The following SNX29 variants were observed in gnomAD, a reference collection of about 807,000 sequenced individuals.
SNX29 encodes the protein sorting nexin-29.
A neutral mutation model predicts 102.1 loss-of-function variants in SNX29; 78 were observed. The observed-to-expected ratio is 0.76, with a 90% CI of 0.64 to 0.92. The LOEUF is 0.92. Among genes scored for constraint, SNX29 ranks in the 40% least tolerant of loss-of-function variants. The pLI, the probability that SNX29 is intolerant of heterozygous loss-of-function variation, is 0.00. For synonymous variants in SNX29, 580 were observed against 414.5 expected (o/e 1.40, Z -4.85); for missense variants, 1,280 against 1,061.7 (o/e 1.21, Z -2.86).
At chr16:12,324,284 C>T (rs992638756) in intron 15 of SNX29, among the ~76,000 whole-genome samples, 2 of 151,666 alleles carry the variant, frequency 1.3e-5, no homozygotes, top group African/African-American at 4.8e-5. Flanking sequence ...ACTTGGATGC[C>T]AGCAAGTTCC....
chr16:12,477,492 C>T (rs1036960959), intron 18 of SNX29, among the ~76,000 whole-genome samples: 4 of 152,204 alleles, frequency 2.6e-5, no homozygotes, highest in African/African-American at 2.4e-5. Context: ...AAATAGCATA[C>T]AGTATGTTCT....
intron 11 of SNX29, among the ~76,000 whole-genome samples, chr16:12,084,179 CT>C (rs2052047993): frequency 6.7e-6 from 1 of 149,936 alleles, no homozygotes; most frequent in South Asian, 2.1e-4. Flanking sequence ...GAGTGTTGCT[CT>C]TATCGCCCAG....
Position 12,308,776 on chromosome 16 carries a change from A to G in SNX29, c.1782+30740A>G, listed in dbSNP as rs145390564. ...GTTTCTCAGCTGGAGAGTCTTGACA[A>G]CATGTAAGGATTTATTTATCTAATG... On this transcript the variant is annotated intron_variant, in intron 15 of 20. Transcript: ENST00000566228. 4.1e-3 allele frequency among the ~76,000 whole-genome samples: 625 copies of G among 152,298 alleles called. 5 individuals are homozygous for G. The highest frequency in any genetic ancestry group is 0.014 in the African/African-American group (591 of 41,576).
intron 11 of SNX29, among the ~76,000 whole-genome samples, chr16:12,101,415 G>A (rs1276901777): frequency 1.4e-5 from 2 of 147,110 alleles, no homozygotes; most frequent in Non-Finnish European, 3.0e-5. Context: ...ACAGAGACTC[G>A]CTCTGTTGCC....
intron 18 of SNX29, among the ~76,000 whole-genome samples, chr16:12,422,437 A>G (rs538576079): frequency 1.6e-4 from 25 of 152,328 alleles, no homozygotes; most frequent in African/African-American, 5.0e-4. Context: ...ACTTGGTAAC[A>G]TAACTGTTAC....
At chr16:12,564,580 G>C (rs531854477) in intron 20 of SNX29, among the ~76,000 whole-genome samples, 1 of 152,088 alleles carries the variant, frequency 6.6e-6, no homozygotes, top group Non-Finnish European at 1.5e-5. Context: ...CCATCCAGAC[G>C]CCCCTTTTTC....
At chr16:12,413,609 C>A (rs1462319196) in intron 18 of SNX29, among the ~76,000 whole-genome samples, 1 of 152,006 alleles carries the variant, frequency 6.6e-6, no homozygotes, top group African/African-American at 2.4e-5. Flanking sequence ...TCGGAAGCAA[C>A]GAAGTGACGT....
intron 20 of SNX29, among the ~76,000 whole-genome samples, chr16:12,567,493 A>G (rs981819393): frequency 6.6e-6 from 1 of 152,182 alleles, no homozygotes; most frequent in African/African-American, 2.4e-5. Flanking sequence ...TACAGATGTG[A>G]TTAAGGATTG....
intron 18 of SNX29, among the ~76,000 whole-genome samples, chr16:12,414,791 G>A (rs922724076): frequency 6.6e-6 from 1 of 152,128 alleles, no homozygotes; most frequent in African/African-American, 2.4e-5. Context: ...GCACACTCTT[G>A]GCTTATAGCA....
chr16:12,250,853 C>T (rs542934730), intron 14 of SNX29, among the ~76,000 whole-genome samples: 1 of 152,346 alleles, frequency 6.6e-6, no homozygotes, highest in South Asian at 2.1e-4. Flanking sequence ...GGCTTCGTCT[C>T]TTCCCAGAGA....
chr16:12,232,783 G>A (rs193173414), intron 14 of SNX29, among the ~76,000 whole-genome samples: 214 of 152,280 alleles, frequency 1.4e-3, no homozygotes, highest in African/African-American at 5.0e-3. Flanking sequence ...TGAGAGGGCT[G>A]GAAAGGAGAT....
chr16:12,538,023 C>G lies in SNX29; in HGVS notation c.2318+13182C>G, dbSNP rs1483168109. Among the ~76,000 whole-genome samples, 4 of 151,602 alleles carry G rather than the reference C, an allele frequency of 2.6e-5. No homozygotes were observed. The South Asian group carries it at 8.3e-4, about 32-fold the overall frequency. On this transcript the variant is annotated intron_variant, in intron 20 of 20. Coordinates refer to ENST00000566228, the MANE Select transcript of SNX29 (RefSeq NM_032167.5). ...AAAAAATTGTCTGCCATTTATAGAC[C>G]AAAATCGTCCTGTCCTGCTAAAGTA...
At chr16:12,393,388 TCATTCATGCATGCATGCATG>T (rs1254333176) in intron 16 of SNX29, among the ~76,000 whole-genome samples, 1 of 118,564 alleles carries the variant, frequency 8.4e-6, no homozygotes, top group Non-Finnish European at 2.0e-5. Flanking sequence ...TATGATTCAT[TCATTCATGCATGCATGCATG>T]CATGCATTCA....
chr16:12,568,131 C>T (rs959750560), intron 20 of SNX29, among the ~76,000 whole-genome samples: 3 of 152,080 alleles, frequency 2.0e-5, no homozygotes, highest in African/African-American at 7.2e-5. Flanking sequence ...GTAGTGTTCT[C>T]CAAAGTTGCC....
chr16:12,511,937 C>T (rs890357290), intron 19 of SNX29, among the ~76,000 whole-genome samples: 6 of 151,900 alleles, frequency 3.9e-5, no homozygotes, highest in South Asian at 2.1e-4. Context: ...GTGGTCGGGC[C>T]GCATAGAAGC....
intron 14 of SNX29, among the ~76,000 whole-genome samples, chr16:12,204,552 A>AT (rs1276983743): frequency 6.6e-6 from 1 of 152,186 alleles, no homozygotes; most frequent in Non-Finnish European, 1.5e-5. Flanking sequence ...CGGCATCCCC[A>AT]TTTAATTAAT....
chr16:12,441,797 G>C (rs1337684748), intron 18 of SNX29, among the ~76,000 whole-genome samples: 1 of 152,016 alleles, frequency 6.6e-6, no homozygotes, highest in Non-Finnish European at 1.5e-5. Flanking sequence ...CTTTTGTTTT[G>C]TTTTGTTTTG....
intron 15 of SNX29, among the ~76,000 whole-genome samples, chr16:12,299,875 T>C (rs1209875477): frequency 1.3e-5 from 2 of 152,076 alleles, no homozygotes; most frequent in African/African-American, 2.4e-5. Context: ...TAAAATTTCT[T>C]TTTTTCTTTC....
intron 14 of SNX29, among the ~76,000 whole-genome samples, chr16:12,213,816 A>G (rs892892955): frequency 2.6e-5 from 4 of 152,172 alleles, no homozygotes; most frequent in African/African-American, 9.6e-5. Context: ...CTATGTGGCC[A>G]CCCCAAATTG....
Sources: gnomAD v4.1 joint callset for allele counts (sites outside exome capture counted in the v4.1 genomes callset) on GRCh38, gnomAD v4.1.1 for gene constraint, MANE v1.5 for transcripts, NCBI Gene and HGNC (gene_info 2026-07-23, HGNC 2026-07-21) for gene names.